PDLIM7: variants seen among roughly 807,000 people sequenced by gnomAD.
PDLIM7 encodes the protein PDZ and LIM domain 7, also known as PDZ and LIM domain protein 7.
Under a neutral mutation model 53.9 loss-of-function variants are expected in PDLIM7, and 37 were observed. The ratio of observed to expected loss-of-function variants is 0.69; its 90% confidence interval spans 0.53 to 0.90. PDLIM7 has a LOEUF of 0.90. Among genes scored for constraint, PDLIM7 ranks in the 40% least tolerant of loss-of-function variants. The pLI, the probability that PDLIM7 is intolerant of heterozygous loss-of-function variation, is 0.00. For synonymous variants in PDLIM7, 300 were observed against 261.3 expected, an observed-to-expected ratio of 1.15 and a Z score of -1.43; for missense variants, 617 against 638.5, an observed-to-expected ratio of 0.97 and a Z score of 0.36.
At chr5:177,489,284 C>T (rs896238492) in intron 9 of PDLIM7, 109 bp downstream of exon 9, 3 of 867,656 alleles carry the variant, frequency 3.5e-6, no homozygotes, top group African/African-American at 3.4e-5. Context: ...CAGCTGAGAA[C>T]TGAATCCTTA....
intron 9 of PDLIM7, 54 bp downstream of exon 9, chr5:177,489,339 G>C (rs1423226741): frequency 3.0e-6 from 4 of 1,327,078 alleles, no homozygotes; most frequent in Non-Finnish European, 4.1e-6. Context: ...GCAGACAGGT[G>C]GGGCTGGGCT....
Position 177,487,181 on chromosome 5 carries a change from C to T in PDLIM7, c.1050+887G>A, listed in dbSNP as rs1276060636. On this transcript the variant is annotated intron_variant, in intron 10 of 12. Transcript: ENST00000355841. ...CTCCTGACCTCAGGTGATCTGCCCA[C>T]CTCGACCTCCCAAAGTGCTGGGATA... 3.9e-5 allele frequency among the ~76,000 whole-genome samples: 6 copies of T among 151,902 alleles called. No homozygotes were observed. The East Asian group carries it at 1.2e-3, about 29-fold the overall frequency.
At chr5:177,495,663 C>G (rs1759035917) in intron 2 of PDLIM7, among the ~76,000 whole-genome samples, 1 of 152,326 alleles carries the variant, frequency 6.6e-6, no homozygotes, top group South Asian at 2.1e-4. Context: ...CCACTGTTGG[C>G]CATCCCAGCG....
intron 2 of PDLIM7, among the ~76,000 whole-genome samples, chr5:177,493,326 C>T (rs993294706): frequency 6.6e-6 from 1 of 152,218 alleles, no homozygotes; most frequent in Non-Finnish European, 1.5e-5. Context: ...CCATACATGG[C>T]TGTCACTCCC....
Position 177,491,104 on chromosome 5 carries a change from C to T in PDLIM7, c.441G>A (p.Arg147=), listed in dbSNP as rs767886453. 1 of 1,612,316 alleles carries T rather than the reference C, an allele frequency of 6.2e-7. No individual in the cohort carries two copies. Among genetic ancestry groups the T allele is most frequent in the South Asian group, 1.1e-5 (1 of 90,864 alleles). The change falls in exon 6 of 13, where the codon CGG becomes CGA. Residue 147 remains arginine (R), a synonymous_variant. Transcript: ENST00000355841. ...RPLVPDASKQ[R]LMENTEDWRP... Reference sequence around the variant, plus strand: ...GCCAGTCCTCTGTGTTCTCCATCAGCCGCTGCTTGCTGGCATCTGGGACCA... The same window carrying T: ...GCCAGTCCTCTGTGTTCTCCATCAGTCGCTGCTTGCTGGCATCTGGGACCA...
intron 10 of PDLIM7, chr5:177,487,809 G>C (rs139541692): frequency 0.016 from 5,636 of 350,940 alleles, 70 homozygotes; most frequent in Non-Finnish European, 0.022. Context: ...CCCAAAGTGG[G>C]AGTCAGGAGG....
chr5:177,490,946 G>A (rs200297880), intron 6 of PDLIM7, 40 bp from the exon 7 acceptor site: 14 of 1,613,810 alleles, frequency 8.7e-6, no homozygotes, highest in Non-Finnish European at 1.2e-5. Flanking sequence ...AAAAGACACA[G>A]GGTCAGGGAT....
intron 5 of PDLIM7, 153 bp from the exon 6 acceptor site, chr5:177,491,299 G>A: frequency 1.4e-6 from 2 of 1,449,456 alleles, no homozygotes; most frequent in South Asian, 2.4e-5. Context: ...TAGGTGAGAG[G>A]ACAGGAGGGC....
Position 177,491,936 on chromosome 5 carries a change from A to G in PDLIM7, c.280-11T>C. On this transcript the variant is annotated splice_polypyrimidine_tract_variant and intron_variant, in intron 4 of 12. Transcript: ENST00000355841. ...GGCGGGGGCGGAGGCCTGGGCAGAG[A>G]CACAGCCGGGCAGGGCGGGCGGGCA... The G allele has an allele frequency of 1.7e-6, 1 of 593,946 alleles. No homozygotes were observed. Among genetic ancestry groups the G allele is most frequent in the Non-Finnish European group, 2.3e-6 (1 of 437,010 alleles). The allele number at this position is 593,946 out of a possible 1,614,324, so 36.8% of individuals were successfully genotyped here.
In PDLIM7 at chr5:177,492,448, G is replaced by T. The variant is rs774351325; in HGVS notation, c.249-13C>A. On this transcript the variant is annotated splice_polypyrimidine_tract_variant and intron_variant, in intron 3 of 12. Coordinates refer to ENST00000355841, the MANE Select transcript of PDLIM7 (RefSeq NM_005451.5). ...AACCGGCTGGGCCCTGGAGGAGAAG[G>T]AAAGCGTGACAGCGGGCCGGGCCCG... 6.2e-7 allele frequency: 1 copy of T among 1,613,682 alleles called. No individual in the cohort carries two copies. Among genetic ancestry groups the T allele is most frequent in the Admixed American group, 1.7e-5 (1 of 59,994 alleles).
intron 7 of PDLIM7, chr5:177,490,087 G>A (rs1390733096): frequency 6.6e-7 from 1 of 1,526,174 alleles, no homozygotes; most frequent in Non-Finnish European, 8.8e-7. Context: ...TTCCCCTCAT[G>A]CCAGGAAGCC....
chr5:177,490,755 A>T (rs1187144734), intron 7 of PDLIM7, 115 bp downstream of exon 7: 2 of 833,906 alleles, frequency 2.4e-6, no homozygotes, highest in Non-Finnish European at 3.8e-6. Flanking sequence ...GGAAGGAAGG[A>T]AGGAAGGAAG....
chr5:177,483,544 G>T lies in PDLIM7; in HGVS notation c.*100C>A. ...AGCCCCAGGCTCGGGCCAGGAGCCA[G>T]GGTTAAGGCAACCATTGCCAGCCCT... On this transcript the variant is annotated 3_prime_UTR_variant, in exon 13 of 13. Transcript: ENST00000355841. The T allele has an allele frequency of 1.1e-6, 1 of 874,006 alleles. No individual in the cohort carries two copies. The highest frequency in any genetic ancestry group is 2.6e-5 in the East Asian group (1 of 38,144). 54.1% of individuals were successfully genotyped at this position (874,006 alleles called of 1,614,324 possible). A position where few individuals can be genotyped will look rare whatever the true frequency, so the allele number is the denominator to read the frequency against.
intron 10 of PDLIM7, among the ~76,000 whole-genome samples, chr5:177,485,371 A>G (rs372087900): frequency 2.0e-5 from 3 of 152,198 alleles, no homozygotes; most frequent in African/African-American, 7.2e-5. Flanking sequence ...GGGGCCAGCC[A>G]GGGCCAGCAG....
At chr5:177,491,264 G>C in intron 5 of PDLIM7, 118 bp from the exon 6 acceptor site, 5 of 1,432,208 alleles carry the variant, frequency 3.5e-6, no homozygotes, top group Non-Finnish European at 4.8e-6. Context: ...GGGTAAGGGT[G>C]AGGCCAGGAG....
chr5:177,494,815 C>G (rs1463587314), intron 2 of PDLIM7, among the ~76,000 whole-genome samples: 2 of 152,146 alleles, frequency 1.3e-5, no homozygotes, highest in Non-Finnish European at 2.9e-5. Context: ...CCCCCAGTCC[C>G]AGACGTTACC....
At position 177,484,682 on chromosome 5, in the gene PDLIM7, C is replaced by A. The variant is rs182118971; in HGVS notation, c.1051-492G>T. 1.4e-3 allele frequency among the ~76,000 whole-genome samples: 213 copies of A among 152,350 alleles called. 1 individual carries two copies. Among genetic ancestry groups the A allele is most frequent in the African/African-American group, 5.0e-3 (207 of 41,578 alleles). ...CTCTGATCCCAGCTGCCACAGCGTG[C>A]CCCTGCAACCCAAGACAGGCCTTCT... On this transcript the variant is annotated intron_variant, in intron 10 of 12. Transcript: ENST00000355841.
chr5:177,488,158 G>A lies in PDLIM7; in HGVS notation c.960C>T (p.Phe320=), dbSNP rs2127411346. 1.2e-6 allele frequency: 2 copies of A among 1,613,504 alleles called. No individual in the cohort carries two copies. The highest frequency in any genetic ancestry group is 1.7e-6 in the Non-Finnish European group (2 of 1,179,972). ...QCGKVLEEGG[F]FEEKGAIFCP... ...AGAAGATGGCGCCCTTCTCCTCAAAGAAGCCACCCTCTTCCAGGACCTTCC... is the reference window on the plus strand; with the variant it reads ...AGAAGATGGCGCCCTTCTCCTCAAAAAAGCCACCCTCTTCCAGGACCTTCC... Residue 320 remains phenylalanine, a synonymous_variant, in exon 10 of 13, where the codon TTC becomes TTT. Transcript: ENST00000355841.
Position 177,491,902 on chromosome 5 carries a change from A to C in PDLIM7, c.303T>G (p.Pro101=), listed in dbSNP as rs541858166. 5.4e-5 allele frequency: 54 copies of C among 992,846 alleles called. No individual in the cohort carries two copies. Among genetic ancestry groups the C allele is most frequent in the Middle Eastern group, 4.6e-4 (1 of 2,178 alleles). The allele number at this position is 992,846 out of a possible 1,614,324, so 61.5% of individuals were successfully genotyped here. ...PQKASAPAAD[P]PRYTFAPSVS... is the part of the protein sequence containing the mutation. ...CGCTGGGTGCAAAGGTGTACCGCGG[A>C]GGGTCCGCGGCGGGGGCGGAGGCCT... The change falls in exon 5 of 13, where the codon CCT becomes CCG. Residue 101 remains proline (P), a synonymous_variant. Transcript: ENST00000355841.
Sources: allele counts gnomAD v4.1 joint callset (sites outside exome capture counted in the v4.1 genomes callset), GRCh38; gene constraint gnomAD v4.1.1; transcripts MANE v1.5; gene names NCBI Gene and HGNC (gene_info 2026-07-23, HGNC 2026-07-21).